The following SAMD5 variants were observed in gnomAD, a reference collection of about 807,000 sequenced individuals.
The protein encoded by SAMD5 is sterile alpha motif domain containing 5.
Under a neutral mutation model 11.3 loss-of-function variants are expected in SAMD5, and 13 were observed. The ratio of observed to expected loss-of-function variants is 1.15; its 90% CI spans 0.75 to 1.83. SAMD5 has a LOEUF of 1.83. Ranked by LOEUF, SAMD5 falls within the 40% of genes most tolerant of loss-of-function variation. SAMD5 has a pLI of 0.00. For missense variants in SAMD5, 255 were observed against 239.1 expected, an observed-to-expected ratio of 1.07 and a Z score of -0.44; for synonymous variants, 129 against 111.3, an observed-to-expected ratio of 1.16 and a Z score of -1.00.
At chr6:147,613,619 G>A (rs537649053) in intron 1 of SAMD5, among the ~76,000 whole-genome samples, 3 of 151,980 alleles carry the variant, frequency 2.0e-5, no homozygotes, top group African/African-American at 4.8e-5. Context: ...TGTTTGTCAA[G>A]TGAATTCACT....
chr6:147,935,391 T>C, the SAMD5 span, among the ~76,000 whole-genome samples: 1 of 152,176 alleles, frequency 6.6e-6, no homozygotes, highest in African/African-American at 2.4e-5. Flanking sequence ...GGATTACTGT[T>C]TTAAAGATGA....
intron 1 of SAMD5, among the ~76,000 whole-genome samples, chr6:147,581,481 T>C (rs1277063318): frequency 6.6e-6 from 1 of 151,924 alleles, no homozygotes; most frequent in African/African-American, 2.4e-5. Flanking sequence ...TGATGAAACA[T>C]AGCCAGAGCA....
intron 1 of SAMD5, among the ~76,000 whole-genome samples, chr6:147,597,467 G>A (rs910620419): frequency 1.1e-4 from 17 of 152,154 alleles, no homozygotes; most frequent in African/African-American, 3.9e-4. Context: ...TCTCACTCAC[G>A]TATGTGACAT....
intron 1 of SAMD5, among the ~76,000 whole-genome samples, chr6:147,727,073 T>TGG (rs1791639433): frequency 6.6e-6 from 1 of 152,186 alleles, no homozygotes; most frequent in African/African-American, 2.4e-5. Context: ...CAGGCCCAAA[T>TGG]ACAAAGTCCT....
the SAMD5 span, among the ~76,000 whole-genome samples, chr6:147,798,884 T>C: frequency 6.6e-6 from 1 of 152,162 alleles, no homozygotes; most frequent in Non-Finnish European, 1.5e-5. Context: ...GAGACTAGGA[T>C]TGCAACCCCT....
the SAMD5 span, among the ~76,000 whole-genome samples, chr6:147,812,594 C>A: frequency 6.6e-6 from 1 of 151,762 alleles, no homozygotes; most frequent in East Asian, 1.9e-4. Context: ...ATTTTTAAAA[C>A]CCCTGTCCAA....
the SAMD5 span, among the ~76,000 whole-genome samples, chr6:147,859,727 G>A: frequency 3.9e-5 from 6 of 151,988 alleles, no homozygotes; most frequent in African/African-American, 7.2e-5. Context: ...GAAGCGTACA[G>A]TTCTTACTCT....
At chr6:147,528,165 A>G (rs1788373939) in intron 1 of SAMD5, among the ~76,000 whole-genome samples, 1 of 152,186 alleles carries the variant, frequency 6.6e-6, no homozygotes. Flanking sequence ...CTGGGGACAC[A>G]GATCCAAACC....
chr6:147,530,770 G>A (rs552925530), intron 1 of SAMD5, among the ~76,000 whole-genome samples: 3 of 152,190 alleles, frequency 2.0e-5, no homozygotes, highest in African/African-American at 7.2e-5. Flanking sequence ...CCAGGCCGTG[G>A]TTCCCAAACA....
chr6:147,602,697 T>C (rs1789641205), intron 1 of SAMD5, among the ~76,000 whole-genome samples: 1 of 152,060 alleles, frequency 6.6e-6, no homozygotes, highest in Non-Finnish European at 1.5e-5. Flanking sequence ...TGAGCCAAGA[T>C]TGCACCACTG....
the SAMD5 span, among the ~76,000 whole-genome samples, chr6:147,881,521 G>A: frequency 6.6e-6 from 1 of 152,234 alleles, no homozygotes; most frequent in South Asian, 2.1e-4. Flanking sequence ...ATCTTCCTGT[G>A]GCCTCCATAC....
intron 1 of SAMD5, among the ~76,000 whole-genome samples, chr6:147,617,491 T>C (rs541760024): frequency 1.3e-5 from 2 of 152,376 alleles, no homozygotes; most frequent in Non-Finnish European, 2.9e-5. Flanking sequence ...TGGCATACTC[T>C]TGAATCTAAG....
intron 1 of SAMD5, among the ~76,000 whole-genome samples, chr6:147,687,580 C>T (rs1288102553): frequency 1.3e-5 from 2 of 152,088 alleles, no homozygotes; most frequent in Non-Finnish European, 2.9e-5. Context: ...ATCATTTACC[C>T]CTGACTGAGG....
At chr6:147,765,204 C>T in the SAMD5 span, among the ~76,000 whole-genome samples, 1 of 151,488 alleles carries the variant, frequency 6.6e-6, no homozygotes, top group African/African-American at 2.4e-5. Context: ...GTTTTATTTT[C>T]TTGTCTTTTT....
chr6:147,602,972 G>T (rs1352315960), intron 1 of SAMD5, among the ~76,000 whole-genome samples: 1 of 152,078 alleles, frequency 6.6e-6, no homozygotes, highest in Non-Finnish European at 1.5e-5. Context: ...ATTTGAAGTT[G>T]ATAAGAATCA....
chr6:147,710,212 C>T, intron 1 of SAMD5, among the ~76,000 whole-genome samples: 1 of 152,166 alleles, frequency 6.6e-6, no homozygotes, highest in South Asian at 2.1e-4. Flanking sequence ...TAGACTTTCC[C>T]TGCTATGAGA....
chr6:147,687,240 C>T (rs1194591349), intron 1 of SAMD5, among the ~76,000 whole-genome samples: 2 of 149,556 alleles, frequency 1.3e-5, no homozygotes, highest in Non-Finnish European at 1.5e-5. Flanking sequence ...TCCTCCCTCC[C>T]TCTCTCCCTC....
At chr6:147,722,120 A>G (rs919454788) in intron 1 of SAMD5, among the ~76,000 whole-genome samples, 3 of 152,198 alleles carry the variant, frequency 2.0e-5, no homozygotes, top group Non-Finnish European at 4.4e-5. Flanking sequence ...GTAAGCTTCA[A>G]TTATTACAGG....
chr6:147,693,908 G>T (rs1420350302), intron 1 of SAMD5, among the ~76,000 whole-genome samples: 1 of 152,194 alleles, frequency 6.6e-6, no homozygotes, highest in Non-Finnish European at 1.5e-5. Context: ...GGTGGAGGTT[G>T]CAGTGAGCCA....
Sources: allele counts gnomAD v4.1 joint callset (sites outside exome capture counted in the v4.1 genomes callset), GRCh38; gene constraint gnomAD v4.1.1; transcripts MANE v1.5; gene names NCBI Gene and HGNC (gene_info 2026-07-23, HGNC 2026-07-21).